GLYATL2: variants seen among roughly 807,000 people sequenced by gnomAD.
The protein encoded by GLYATL2 is glycine-N-acyltransferase like 2, also known as glycine N-acyltransferase-like protein 2.
Under a neutral mutation model 21.4 loss-of-function variants are expected in GLYATL2, and 25 were observed. That is an observed-to-expected ratio of 1.17 (90% CI 0.85 to 1.63). The LOEUF is 1.63. GLYATL2 is among the 40% of genes most tolerant of loss of function. The probability of loss-of-function intolerance (pLI) is 0.00; values close to 1 mark genes in which losing one functional copy is unlikely to be tolerated. For missense variants in GLYATL2, 361 were observed against 343.3 expected (o/e 1.05, Z -0.41); for synonymous variants, 114 against 118.2 (o/e 0.96, Z 0.23).
intron 1 of GLYATL2, among the ~76,000 whole-genome samples, chr11:58,903,634 C>T (rs551776451): frequency 6.6e-6 from 1 of 152,284 alleles, no homozygotes; most frequent in African/African-American, 2.4e-5. Context: ...GATTGTAACA[C>T]TGCACTCCAG....
intron 1 of GLYATL2, among the ~76,000 whole-genome samples, chr11:58,843,058 T>G (rs1220218167): frequency 6.6e-6 from 1 of 152,174 alleles, no homozygotes; most frequent in Non-Finnish European, 1.5e-5. Context: ...ACTAATTAGC[T>G]TATGGTAAAA....
intron 1 of GLYATL2, among the ~76,000 whole-genome samples, chr11:58,842,205 G>A (rs1297632491): frequency 1.3e-5 from 2 of 152,054 alleles, no homozygotes; most frequent in African/African-American, 4.8e-5. Flanking sequence ...ATAATTCTCA[G>A]CATACTTGTG....
chr11:58,874,742 G>A (rs559075494), intron 1 of GLYATL2, among the ~76,000 whole-genome samples: 2 of 152,300 alleles, frequency 1.3e-5, no homozygotes, highest in African/African-American at 4.8e-5. Flanking sequence ...TTGTAGTGTG[G>A]TGCTGAAAAG....
At chr11:58,863,311 G>C (rs1202015808) in intron 1 of GLYATL2, among the ~76,000 whole-genome samples, 2 of 152,136 alleles carry the variant, frequency 1.3e-5, no homozygotes, top group Non-Finnish European at 2.9e-5. Flanking sequence ...GGGCCTACTG[G>C]GATGAGCCTG....
chr11:58,886,048 C>T (rs774689900), intron 1 of GLYATL2, among the ~76,000 whole-genome samples: 3 of 152,204 alleles, frequency 2.0e-5, no homozygotes, highest in Admixed American at 2.0e-4. Context: ...GACCTCATCT[C>T]TACAGAAAAT....
chr11:58,898,692 G>A (rs188844956), intron 1 of GLYATL2, among the ~76,000 whole-genome samples: 61 of 151,576 alleles, frequency 4.0e-4, no homozygotes, highest in South Asian at 3.3e-3. Context: ...AAAATTAGCC[G>A]GGCGTTGTGG....
At chr11:58,837,236 C>G in intron 4 of GLYATL2, 35 bp downstream of exon 4, 1 of 1,612,992 alleles carries the variant, frequency 6.2e-7, no homozygotes. Flanking sequence ...TAGGAATAAA[C>G]CATGGATCTT....
rs1009401606 is a variant in GLYATL2, at chr11:58,834,414, G to A, written c.*15C>T. 4 of 1,554,904 alleles carry A rather than the reference G, an allele frequency of 2.6e-6. No individual in the cohort carries two copies. Among genetic ancestry groups the A allele is most frequent in the Non-Finnish European group, 3.5e-6 (4 of 1,152,360 alleles). ...TTTACTGATAAGAAAGATTTGAAAT[G>A]GACAGTGGAATCAATCAACAATATT... On this transcript the variant is annotated 3_prime_UTR_variant, in exon 6 of 6. Transcript: ENST00000287275.
intron 1 of GLYATL2, among the ~76,000 whole-genome samples, chr11:58,858,917 C>T (rs1379323424): frequency 6.6e-6 from 1 of 152,182 alleles, no homozygotes; most frequent in Non-Finnish European, 1.5e-5. Flanking sequence ...CTCATTTGAT[C>T]TCCAAACCAG....
upstream of GLYATL2, chr11:58,907,279 CT>C (rs1565115028): frequency 2.2e-6 from 1 of 456,248 alleles, no homozygotes; most frequent in South Asian, 1.5e-5. Flanking sequence ...CTCTTGTCAC[CT>C]TGGTCTCTCA....
intron 1 of GLYATL2, among the ~76,000 whole-genome samples, chr11:58,853,473 G>A (rs564586546): frequency 6.6e-6 from 1 of 152,280 alleles, no homozygotes; most frequent in Admixed American, 6.5e-5. Flanking sequence ...GTATCACTGG[G>A]GGTCCTGGAA....
chr11:58,903,125 T>C (rs1854767606), intron 1 of GLYATL2, among the ~76,000 whole-genome samples: 1 of 152,148 alleles, frequency 6.6e-6, no homozygotes, highest in Non-Finnish European at 1.5e-5. Flanking sequence ...GTTACTCCAA[T>C]GATGAGCAAA....
At chr11:58,844,395 T>A (rs1310451453) in intron 1 of GLYATL2, 39 bp downstream of exon 1, 1 of 152,210 alleles carries the variant, frequency 6.6e-6, no homozygotes, top group African/African-American at 2.4e-5. Flanking sequence ...TTAATTGAAC[T>A]GCCAAGATAA....
At chr11:58,867,444 A>G (rs1372397869) in intron 1 of GLYATL2, among the ~76,000 whole-genome samples, 1 of 148,648 alleles carries the variant, frequency 6.7e-6, no homozygotes, top group African/African-American at 2.4e-5. Context: ...ACACTTTGTG[A>G]AAGTGGGTCA....
upstream of GLYATL2, chr11:58,907,716 A>G (rs1854937277): frequency 5.1e-6 from 1 of 197,794 alleles, no homozygotes; most frequent in Non-Finnish European, 1.1e-5. Flanking sequence ...TAATTTCACA[A>G]CTTTGGGTGC....
chr11:58,877,822 C>T (rs1450909932), intron 1 of GLYATL2, among the ~76,000 whole-genome samples: 1 of 152,182 alleles, frequency 6.6e-6, no homozygotes, highest in Non-Finnish European at 1.5e-5. Flanking sequence ...AATTTTGCTA[C>T]AAAGTGTTAA....
At chr11:58,858,491 A>T (rs1399375803) in intron 1 of GLYATL2, among the ~76,000 whole-genome samples, 1 of 151,558 alleles carries the variant, frequency 6.6e-6, no homozygotes, top group Non-Finnish European at 1.5e-5. Flanking sequence ...AATTGGATCA[A>T]ATAAGCCCTT....
At chr11:58,885,485 G>A (rs1022714815) in intron 1 of GLYATL2, 1 of 510,026 alleles carries the variant, frequency 2.0e-6, no homozygotes. Context: ...CAACATGGAG[G>A]TGCTGGTGGA....
At chr11:58,892,702 AT>A in intron 1 of GLYATL2, 1 of 356,134 alleles carries the variant, frequency 2.8e-6, no homozygotes, top group East Asian at 5.5e-5. Context: ...GAGCAGCTGC[AT>A]TTTCAAAGTC....
Sources: gnomAD v4.1 joint callset for allele counts (sites outside exome capture counted in the v4.1 genomes callset) on GRCh38, gnomAD v4.1.1 for gene constraint, MANE v1.5 for transcripts, NCBI Gene and HGNC (gene_info 2026-07-23, HGNC 2026-07-21) for gene names.